EML3: variants seen among roughly 807,000 people sequenced by gnomAD.
EML3 encodes the protein echinoderm microtubule-associated protein-like 3.
Under a neutral mutation model 106.7 loss-of-function variants are expected in EML3, and 53 were observed. The observed-to-expected ratio is 0.50, with a 90% CI of 0.40 to 0.62. The LOEUF is 0.62. Ranked by LOEUF, EML3 falls within the 20% of genes least tolerant of loss-of-function variation. The pLI, the probability that EML3 is intolerant of heterozygous loss-of-function variation, is 0.00. For synonymous variants in EML3, 499 were observed against 489.6 expected, an observed-to-expected ratio of 1.02 and a Z score of -0.25; for missense variants, 994 against 1,209.1, an observed-to-expected ratio of 0.82 and a Z score of 2.64.
intron 9 of EML3, 118 bp from the exon 10 acceptor site, chr11:62,608,414 G>T: frequency 7.5e-7 from 1 of 1,326,358 alleles, no homozygotes; most frequent in South Asian, 1.2e-5. Context: ...TGACACACAT[G>T]GCCCTTTCTC....
At position 62,608,956 on chromosome 11, in the gene EML3, C is replaced by T; in HGVS notation, c.929+6G>A. The stretch of plus-strand genomic sequence containing the variant: ...CTGCCAAGCCCACCAGCCCCGGACT[C>T]CTCACCATCGAACGCAGTCTGTGTG... On this transcript the variant is annotated splice_donor_region_variant and intron_variant, in intron 7 of 21. Coordinates refer to ENST00000394773, the MANE Select transcript of EML3 (RefSeq NM_153265.3). The T allele has an allele frequency of 6.2e-7, 1 of 1,613,580 alleles. No homozygotes were observed. The highest frequency in any genetic ancestry group is 1.6e-4 in the Middle Eastern group (1 of 6,062).
At position 62,607,830 on chromosome 11, in the gene EML3, A is replaced by G. The variant is rs770382478; in HGVS notation, c.1207-9T>C. 4 of 1,611,354 alleles carry G rather than the reference A, an allele frequency of 2.5e-6. No homozygotes were observed. Reference sequence around the variant, plus strand: ...ACTGAGTCATTTGTACTCTGAAGGGAAGACACTAGATTCAGCCACCCCAAG... The same window carrying G: ...ACTGAGTCATTTGTACTCTGAAGGGGAGACACTAGATTCAGCCACCCCAAG... On this transcript the variant is annotated splice_polypyrimidine_tract_variant and intron_variant, in intron 10 of 21. Coordinates refer to ENST00000394773, the MANE Select transcript of EML3 (RefSeq NM_153265.3).
intron 12 of EML3, among the ~76,000 whole-genome samples, 182 bp downstream of exon 12, chr11:62,606,776 G>A (rs1274308383): frequency 6.6e-6 from 1 of 151,076 alleles, no homozygotes; most frequent in African/African-American, 2.4e-5. Context: ...AGGATCACTT[G>A]AACCTGGAAG....
chr11:62,608,412 A>T, intron 9 of EML3, 116 bp from the exon 10 acceptor site: 1 of 1,329,816 alleles, frequency 7.5e-7, no homozygotes, highest in South Asian at 1.2e-5. Context: ...GTTGACACAC[A>T]TGGCCCTTTC....
At chr11:62,612,323 C>G in intron 1 of EML3, 113 bp downstream of exon 1, 1 of 1,115,798 alleles carries the variant, frequency 9.0e-7, no homozygotes, top group Non-Finnish European at 1.3e-6. Context: ...CTCGGAGCCC[C>G]TGGGGCGGAG....
intron 16 of EML3, 36 bp from the exon 17 acceptor site, chr11:62,604,237 G>A (rs374436771): frequency 1.6e-4 from 253 of 1,604,840 alleles, no homozygotes; most frequent in Admixed American, 3.5e-4. Flanking sequence ...ATAGGAAGAC[G>A]AAAAGGCAGG....
intron 4 of EML3, among the ~76,000 whole-genome samples, chr11:62,610,169 C>T (rs946297690): frequency 2.6e-5 from 4 of 152,176 alleles, no homozygotes; most frequent in African/African-American, 7.2e-5. Context: ...CAAAGGGAGT[C>T]GAGAATGTAC....
chr11:62,612,003 A>C (rs1370341192), intron 1 of EML3: 3 of 364,170 alleles, frequency 8.2e-6, no homozygotes, highest in African/African-American at 6.4e-5. Context: ...GAGCCGGGGG[A>C]ACACCAGGAG....
At chr11:62,603,281 A>G (rs1194337517) in intron 19 of EML3, 34 bp from the exon 20 acceptor site, 1 of 1,593,858 alleles carries the variant, frequency 6.3e-7, no homozygotes, top group Admixed American at 1.7e-5. Context: ...CTCAGCTCTC[A>G]CCCTGCCCTC....
chr11:62,606,268 A>G (rs559404657), intron 12 of EML3, 54 bp from the exon 13 acceptor site: 2 of 1,580,086 alleles, frequency 1.3e-6, no homozygotes, highest in African/African-American at 2.7e-5. Flanking sequence ...GGAGTGAGAA[A>G]CAGGGCCAGC....
chr11:62,604,940 C>T (rs1165916958), intron 16 of EML3, 173 bp downstream of exon 16: 1 of 501,832 alleles, frequency 2.0e-6, no homozygotes, highest in Non-Finnish European at 3.5e-6. Context: ...AAACAGTTAC[C>T]ACAGAAGAGG....
At chr11:62,612,376 T>A (rs886630121) in intron 1 of EML3, 60 bp downstream of exon 1, 2 of 1,479,360 alleles carry the variant, frequency 1.4e-6, no homozygotes, top group Non-Finnish European at 1.8e-6. Flanking sequence ...AGCTCTGGCA[T>A]AACCCGACGA....
At chr11:62,608,861 C>T in intron 7 of EML3, 56 bp from the exon 8 acceptor site, 2 of 1,572,884 alleles carry the variant, frequency 1.3e-6, no homozygotes, top group South Asian at 1.2e-5. Flanking sequence ...ATCCAAGACA[C>T]CTTCTCCAAG....
At chr11:62,607,925 A>T in intron 10 of EML3, 104 bp from the exon 11 acceptor site, 1 of 1,369,048 alleles carries the variant, frequency 7.3e-7, no homozygotes, top group East Asian at 2.3e-5. Context: ...AGAGGTCCAG[A>T]AACCCCAGGA....
At chr11:62,606,910 G>GA (rs1213562212) in intron 12 of EML3, 48 bp downstream of exon 12, 12 of 1,468,182 alleles carry the variant, frequency 8.2e-6, no homozygotes, top group Non-Finnish European at 1.1e-5. Flanking sequence ...TGTTCCCACA[G>GA]AACCTCTGGA....
chr11:62,606,303 C>A, intron 12 of EML3, 89 bp from the exon 13 acceptor site: 1 of 1,466,960 alleles, frequency 6.8e-7, no homozygotes, highest in Non-Finnish European at 9.2e-7. Flanking sequence ...ACAGTAAGAA[C>A]TCCCAGCCAT....
rs1381310473 is a variant in EML3 at position 62,612,635 on chromosome 11, C to A, written c.-178G>T. 1.0e-4 allele frequency: 52 copies of A among 521,884 alleles called. No individual in the cohort carries two copies. In the Admixed American group the frequency reaches 2.2e-3, roughly 22 times the overall value. The allele number at this position is 521,884 out of a possible 1,614,324, so 32.3% of individuals were successfully genotyped here. ...GGGCCTGGAGGGGGCGCTGTGGGCC[C>A]GGGGCCGCAGTCTCCAGACCCCCCC... On this transcript the variant is annotated 5_prime_UTR_variant, in exon 1 of 22. Transcript: ENST00000394773.
chr11:62,603,308 G>A, intron 19 of EML3, 61 bp from the exon 20 acceptor site: 1 of 1,505,704 alleles, frequency 6.6e-7, no homozygotes, highest in Non-Finnish European at 9.2e-7. Context: ...GAAGATGCCA[G>A]GGAAAGCCAG....
Position 62,607,048 on chromosome 11 carries a change from C to T in EML3, c.1414G>A (p.Asp472Asn), listed in dbSNP as rs1442175669. 1 of 1,614,154 alleles carries T rather than the reference C, an allele frequency of 6.2e-7. No homozygotes were observed. Among genetic ancestry groups the T allele is most frequent in the Admixed American group, 1.7e-5 (1 of 60,020 alleles). The change falls in exon 12 of 22, where the codon GAC becomes AAC. Residue 472 changes from aspartate to asparagine, a missense_variant. Physicochemically the swap from Asp to Asn is conservative, Grantham distance 23 (BLOSUM62 1). This residue lies in a region of EML3 where 713 missense variants were observed against 920.5 expected (regional missense o/e 0.77). Coordinates refer to ENST00000394773, the MANE Select transcript of EML3 (RefSeq NM_153265.3). ...CCCTCTGAGTCTCCAGTGAGAATGT[C>T]TCCATCCGGAAGGAACACAAAGCAA... ...IPCFVFLPDGDILTGDSEGNI... is the reference protein window; with the variant it reads ...IPCFVFLPDGNILTGDSEGNI...
Sources: allele counts gnomAD v4.1 joint callset (sites outside exome capture counted in the v4.1 genomes callset), GRCh38; gene constraint gnomAD v4.1.1; regional missense constraint gnomAD v4.1.1; transcripts MANE v1.5; gene names NCBI Gene and HGNC (gene_info 2026-07-23, HGNC 2026-07-21).